The following SLC9B2 variants were observed in gnomAD, a reference collection of about 807,000 sequenced individuals.
SLC9B2 encodes solute carrier family 9 member B2, also known as sodium/hydrogen exchanger 9B2.
In SLC9B2, 39 loss-of-function variants were observed where a neutral mutation model predicts 52.2. The observed-to-expected ratio is 0.75, with a 90% confidence interval of 0.58 to 0.98. SLC9B2 has a LOEUF of 0.98. SLC9B2 is among the 50% of genes least tolerant of loss of function. SLC9B2 has a pLI of 0.00. For missense variants in SLC9B2, 626 were observed against 637.5 expected (o/e 0.98, Z 0.19); for synonymous variants, 214 against 227.0 (o/e 0.94, Z 0.51).
Position 103,050,347 on chromosome 4 carries a change from G to C in SLC9B2, c.478C>G (p.Pro160Ala). The part of the protein sequence containing the change: ...LLAGFLIRNI[P>A]VINDNVQIKH... ...ATCTGCACATTATCGTTGATGACTG[G>C]GATATTTCTGATGAGAAACCCTGCA... The change falls in exon 5 of 12, where the codon CCA becomes GCA. Residue 160 changes from proline to alanine, a missense_variant. Pro to Ala is a conservative substitution (Grantham distance 27). Coordinates refer to ENST00000394785, the MANE Select transcript of SLC9B2 (RefSeq NM_178833.7). 6.2e-7 allele frequency: 1 copy of C among 1,605,848 alleles called. No homozygotes were observed. The highest frequency in any genetic ancestry group is 1.1e-5 in the South Asian group (1 of 89,546).
intron 1 of SLC9B2, among the ~76,000 whole-genome samples, chr4:103,068,163 C>A (rs994334158): frequency 3.3e-5 from 5 of 152,128 alleles, no homozygotes; most frequent in Non-Finnish European, 7.4e-5. Flanking sequence ...CAAAGATTAC[C>A]AAAACATATT....
chr4:103,020,375 T>C (rs1237019896), downstream of SLC9B2: 1 of 443,942 alleles, frequency 2.3e-6, no homozygotes, highest in Admixed American at 2.6e-5. Flanking sequence ...TTTCCAGTAA[T>C]AGAATCCGCG....
At chr4:103,043,925 G>A (rs555958611) in intron 8 of SLC9B2, among the ~76,000 whole-genome samples, 9 of 152,144 alleles carry the variant, frequency 5.9e-5, no homozygotes, top group Non-Finnish European at 8.8e-5. Flanking sequence ...ACGCCCCCTT[G>A]GTTTTTCTTT....
chr4:103,057,453 G>A (rs1168288034), intron 4 of SLC9B2, among the ~76,000 whole-genome samples: 9 of 151,664 alleles, frequency 5.9e-5, no homozygotes, highest in Non-Finnish European at 8.8e-5. Context: ...ACAGGTGCAC[G>A]TCACCATGCC....
chr4:103,051,470 C>T (rs767473456), intron 4 of SLC9B2, among the ~76,000 whole-genome samples: 7 of 152,176 alleles, frequency 4.6e-5, no homozygotes, highest in Non-Finnish European at 5.9e-5. Flanking sequence ...CCAGGTATCT[C>T]TCATCACTGC....
intron 3 of SLC9B2, among the ~76,000 whole-genome samples, chr4:103,060,527 TG>T (rs1487682339): frequency 9.6e-5 from 14 of 145,682 alleles, no homozygotes; most frequent in Non-Finnish European, 1.6e-4. Flanking sequence ...TCCTTTTGCA[TG>T]TTTTTTTTGT....
chr4:103,073,571 T>C (rs1487512859), intron 1 of SLC9B2, among the ~76,000 whole-genome samples: 1 of 152,176 alleles, frequency 6.6e-6, no homozygotes. Flanking sequence ...CTGAAAGACT[T>C]AGGTGTGTCA....
At chr4:103,020,805 A>AT (rs1228692361), downstream of SLC9B2, among the ~76,000 whole-genome samples, 2 of 151,816 alleles carry the variant, frequency 1.3e-5, no homozygotes, top group African/African-American at 4.8e-5. Context: ...TAATTTTTGT[A>AT]TTTTTAGTAG....
intron 4 of SLC9B2, 150 bp from the exon 5 acceptor site, chr4:103,050,532 G>A: frequency 1.6e-6 from 1 of 619,230 alleles, no homozygotes; most frequent in Non-Finnish European, 2.4e-6. Context: ...GTAAAAATTA[G>A]TATAATAAAG....
chr4:103,075,154 T>A (rs1338078822), intron 1 of SLC9B2, among the ~76,000 whole-genome samples: 1 of 152,156 alleles, frequency 6.6e-6, no homozygotes, highest in Non-Finnish European at 1.5e-5. Flanking sequence ...TTCATTTCCT[T>A]TTTTTTCTTT....
At chr4:103,053,638 T>C (rs576114773) in intron 4 of SLC9B2, among the ~76,000 whole-genome samples, 59 of 152,342 alleles carry the variant, frequency 3.9e-4, no homozygotes, top group African/African-American at 1.3e-3. Flanking sequence ...TTAAAACTTC[T>C]GATGTCCAGG....
intron 9 of SLC9B2, among the ~76,000 whole-genome samples, chr4:103,042,571 A>T (rs1418185592): frequency 6.6e-6 from 1 of 151,460 alleles, no homozygotes; most frequent in Admixed American, 6.6e-5. Context: ...CATTGCCCAT[A>T]AAGAAATGAA....
intron 9 of SLC9B2, among the ~76,000 whole-genome samples, chr4:103,042,803 C>A (rs1450278237): frequency 6.6e-6 from 1 of 151,262 alleles, no homozygotes; most frequent in African/African-American, 2.4e-5. Context: ...AAAATATATA[C>A]TATATTTTAT....
chr4:103,054,590 A>G (rs1353076175), intron 4 of SLC9B2, among the ~76,000 whole-genome samples: 2 of 152,250 alleles, frequency 1.3e-5, no homozygotes, highest in African/African-American at 4.8e-5. Flanking sequence ...AATGTGAAGG[A>G]CATAGACAAT....
At chr4:103,070,554 C>A (rs1489540819) in intron 1 of SLC9B2, among the ~76,000 whole-genome samples, 1 of 152,190 alleles carries the variant, frequency 6.6e-6, no homozygotes, top group African/African-American at 2.4e-5. Flanking sequence ...GACTCTCCTG[C>A]CTCGGCCTTC....
At chr4:103,018,906 A>G (rs1442784349), downstream of SLC9B2, among the ~76,000 whole-genome samples, 1 of 152,210 alleles carries the variant, frequency 6.6e-6, no homozygotes, top group African/African-American at 2.4e-5. Context: ...AGATGAGCAA[A>G]GGCATTAGAT....
chr4:103,031,688 T>G lies in SLC9B2; in HGVS notation c.1255+12A>C. 1 of 1,602,696 alleles carries G rather than the reference T, an allele frequency of 6.2e-7. No homozygotes were observed. The highest frequency in any genetic ancestry group is 8.5e-7 in the Non-Finnish European group (1 of 1,173,380). On this transcript the variant is annotated intron_variant, in intron 10 of 11. Transcript: ENST00000394785. ...AGTGAATTTTAACAAAAGCACATTT[T>G]GAAATTCTTACCTACAGTTTCTGGT...
intron 9 of SLC9B2, among the ~76,000 whole-genome samples, chr4:103,035,398 G>A (rs1036526926): frequency 5.3e-5 from 8 of 152,044 alleles, no homozygotes; most frequent in African/African-American, 1.9e-4. Context: ...GGGCATTTAT[G>A]TTGATTTCAT....
chr4:103,045,147 C>A, intron 7 of SLC9B2, 151 bp from the exon 8 acceptor site: 1 of 597,720 alleles, frequency 1.7e-6, no homozygotes, highest in South Asian at 2.7e-5. Context: ...GTAAGTGGAA[C>A]CTACATTTTC....
Sources: gnomAD v4.1 joint callset for allele counts (sites outside exome capture counted in the v4.1 genomes callset) on GRCh38, gnomAD v4.1.1 for gene constraint, MANE v1.5 for transcripts, NCBI Gene and HGNC (gene_info 2026-07-23, HGNC 2026-07-21) for gene names.